FCMR: variants seen among roughly 807,000 people sequenced by gnomAD.
FCMR encodes the protein immunoglobulin mu Fc receptor.
In FCMR, 34 loss-of-function variants were observed where a neutral mutation model predicts 41.6. That is an observed-to-expected ratio of 0.82 (90% confidence interval 0.62 to 1.09). FCMR has a LOEUF of 1.09. Ranked by LOEUF, FCMR falls within the 50% of genes least tolerant of loss-of-function variation. FCMR has a pLI of 0.00. For missense variants in FCMR, 496 were observed against 512.5 expected, an observed-to-expected ratio of 0.97 and a Z score of 0.31; for synonymous variants, 209 against 211.8, an observed-to-expected ratio of 0.99 and a Z score of 0.12.
chr1:206,908,122 A>G, intron 7 of FCMR: 1 of 1,253,856 alleles, frequency 8.0e-7, no homozygotes, highest in Non-Finnish European at 1.1e-6. Flanking sequence ...GTTCCACTAC[A>G]GGAAGAAGAA....
chr1:206,908,967 A>C (rs1195023284), intron 7 of FCMR, among the ~76,000 whole-genome samples: 2 of 145,370 alleles, frequency 1.4e-5, no homozygotes, highest in South Asian at 4.2e-4. Context: ...AACCCTGTCT[A>C]CATCTCTCCC....
intron 4 of FCMR, among the ~76,000 whole-genome samples, chr1:206,911,363 T>G (rs1454628142): frequency 6.6e-6 from 1 of 152,192 alleles, no homozygotes; most frequent in Non-Finnish European, 1.5e-5. Context: ...TATGTAATTT[T>G]AAATTTCCTA....
intron 1 of FCMR, among the ~76,000 whole-genome samples, chr1:206,919,177 A>T (rs1679326800): frequency 6.6e-6 from 1 of 152,066 alleles, no homozygotes; most frequent in Non-Finnish European, 1.5e-5. Context: ...TTCTTCCCAA[A>T]TAGCCGCCCA....
chr1:206,907,625 G>T, intron 7 of FCMR: 1 of 746,050 alleles, frequency 1.3e-6, no homozygotes, highest in Non-Finnish European at 2.5e-6. Flanking sequence ...GAAGATGGCG[G>T]GGGTGCAGGT....
intron 1 of FCMR, among the ~76,000 whole-genome samples, chr1:206,918,274 C>T (rs1469315193): frequency 6.6e-6 from 1 of 152,170 alleles, no homozygotes; most frequent in African/African-American, 2.4e-5. Flanking sequence ...TGTCAGCCTG[C>T]ATTCTTCCTC....
chr1:206,913,777 T>C lies in FCMR; in HGVS notation c.355A>G (p.Thr119Ala). The C allele has an allele frequency of 6.2e-7, 1 of 1,614,048 alleles. No homozygotes were observed. The highest frequency in any genetic ancestry group is 8.5e-7 in the Non-Finnish European group (1 of 1,179,920). The change falls in exon 2 of 8, where the codon ACC becomes GCC. Residue 119 changes from threonine to alanine, a missense_variant. Coordinates refer to ENST00000367091, the MANE Select transcript of FCMR (RefSeq NM_005449.5). ...AACCTACCACTGTGGACATTCAGGG[T>C]GACTTTCTGGGTCTTTCCCCGGTCT... ...NTDRGKTQKV[T>A]LNVHSEYEPS...
At chr1:206,918,964 T>G (rs1045928618) in intron 1 of FCMR, among the ~76,000 whole-genome samples, 1 of 152,082 alleles carries the variant, frequency 6.6e-6, no homozygotes, top group African/African-American at 2.4e-5. Flanking sequence ...TAAATCAAGC[T>G]AATAAACTGT....
At position 206,920,778 on chromosome 1, in the gene FCMR, A is replaced by G. The variant is rs571842720; in HGVS notation, c.37+1040T>C. Among the ~76,000 whole-genome samples the G allele has an allele frequency of 2.0e-5, 3 of 152,334 alleles. No homozygotes were observed. In the East Asian group the frequency reaches 5.8e-4, roughly 29 times the overall value. On this transcript the variant is annotated intron_variant, in intron 1 of 7. Coordinates refer to ENST00000367091, the MANE Select transcript of FCMR (RefSeq NM_005449.5). ...AGAGGAAGTGGGAAAGATAGTTAAG[A>G]GGGGATTGTGTGTTCTTTTCCCGTC...
At chr1:206,916,484 G>C (rs1679198450) in intron 1 of FCMR, among the ~76,000 whole-genome samples, 1 of 152,222 alleles carries the variant, frequency 6.6e-6, no homozygotes, top group South Asian at 2.1e-4. Flanking sequence ...AGGCCTCCCA[G>C]GGTTGAGCTT....
chr1:206,908,131 A>G (rs535339005), intron 7 of FCMR: 1 of 1,305,842 alleles, frequency 7.7e-7, no homozygotes, highest in South Asian at 1.2e-5. Context: ...CAGGAAGAAG[A>G]AACAGCTCAT....
In FCMR at chr1:206,913,002, A is replaced by C; in HGVS notation, c.414T>G (p.Thr138=). Residue 138 remains threonine (T), a synonymous_variant, in exon 3 of 8, where the codon ACT becomes ACG. Coordinates refer to ENST00000367091, the MANE Select transcript of FCMR (RefSeq NM_005449.5). ...PSWEEQPMPE[T]PKWFHLPYLF... is the part of the protein sequence containing the mutation. Reference sequence around the variant, plus strand: ...AATAGGGCAGATGAAACCATTTTGGAGTCTCAGGCATTGGCTGCTCTTCCC... The same window carrying C: ...AATAGGGCAGATGAAACCATTTTGGCGTCTCAGGCATTGGCTGCTCTTCCC... 1 of 1,613,794 alleles carries C rather than the reference A, an allele frequency of 6.2e-7. No homozygotes were observed. Among genetic ancestry groups the C allele is most frequent in the Non-Finnish European group, 8.5e-7 (1 of 1,179,682 alleles).
At chr1:206,922,284 C>T (rs149573118), upstream of FCMR, among the ~76,000 whole-genome samples, 1 of 152,320 alleles carries the variant, frequency 6.6e-6, no homozygotes, top group African/African-American at 2.4e-5. Context: ...AGAGCCTTAT[C>T]ACCAATTTTC....
At chr1:206,907,704 TG>T in intron 7 of FCMR, 1 of 878,580 alleles carries the variant, frequency 1.1e-6, no homozygotes. Flanking sequence ...TAGGTACTGC[TG>T]GGCTGGAAGG....
upstream of FCMR, among the ~76,000 whole-genome samples, chr1:206,922,667 C>T (rs1383697831): frequency 2.0e-5 from 3 of 152,222 alleles, no homozygotes; most frequent in Admixed American, 1.3e-4. Flanking sequence ...CAAGGCAATG[C>T]CAGAACTGGG....
intron 2 of FCMR, among the ~76,000 whole-genome samples, chr1:206,913,460 A>G (rs1053661309): frequency 2.6e-5 from 4 of 152,068 alleles, no homozygotes; most frequent in African/African-American, 4.8e-5. Context: ...TTTGCTTCCA[A>G]TTTCCTCCAT....
chr1:206,908,242 C>G (rs1318666578), intron 7 of FCMR: 1 of 1,283,384 alleles, frequency 7.8e-7, no homozygotes, highest in Non-Finnish European at 1.1e-6. Context: ...CCAATAAAGA[C>G]TGTTAATTCC....
At chr1:206,908,675 G>GTGC (rs1387408147) in intron 7 of FCMR, among the ~76,000 whole-genome samples, 1 of 151,876 alleles carries the variant, frequency 6.6e-6, no homozygotes, top group Non-Finnish European at 1.5e-5. Flanking sequence ...GGAATTGCCT[G>GTGC]TGCTCCTCAC....
At chr1:206,906,281 G>A in intron 7 of FCMR, 1 of 291,930 alleles carries the variant, frequency 3.4e-6, no homozygotes, top group Non-Finnish European at 6.9e-6. Flanking sequence ...TTTCCAGGGT[G>A]GGAAGGAAGG....
At position 206,913,170 on chromosome 1, in the gene FCMR, A is replaced by C. The variant is rs181999904; in HGVS notation, c.374-128T>G. 466 of 731,642 alleles carry C rather than the reference A, an allele frequency of 6.4e-4. 11 individuals carry two copies. The highest frequency in any genetic ancestry group is 3.4e-3 in the South Asian group (220 of 64,034). The allele number at this position is 731,642 out of a possible 1,614,324, so 45.3% of individuals were successfully genotyped here. A position where few individuals can be genotyped will look rare whatever the true frequency, so the allele number is the denominator to read the frequency against. On this transcript the variant is annotated intron_variant, in intron 2 of 7. Coordinates refer to ENST00000367091, the MANE Select transcript of FCMR (RefSeq NM_005449.5). ...GAGGGCAGGGTCCACTGAAAGAAGC[A>C]GAGAAGGAGCTGGGTTGGGGGCTTC...
Sources: allele counts gnomAD v4.1 joint callset (sites outside exome capture counted in the v4.1 genomes callset), GRCh38; gene constraint gnomAD v4.1.1; transcripts MANE v1.5; gene names NCBI Gene and HGNC (gene_info 2026-07-23, HGNC 2026-07-21).